The following CLDN14 variants were observed in gnomAD, a reference collection of about 807,000 sequenced individuals.
CLDN14 encodes claudin-14.
A neutral mutation model predicts 2.1 loss-of-function variants in CLDN14; 2 were observed. The observed-to-expected ratio is 0.96, with a 90% CI of 0.39 to 3.01. CLDN14 has a LOEUF of 3.01. Among genes scored for constraint, CLDN14 ranks in the 30% most tolerant of loss-of-function variants. The pLI is 0.09. For synonymous variants in CLDN14, 136 were observed against 154.4 expected, an observed-to-expected ratio of 0.88 and a Z score of 0.88; for missense variants, 298 against 328.0, an observed-to-expected ratio of 0.91 and a Z score of 0.71.
At chr21:36,490,525 A>G (rs1449534062) in intron 2 of CLDN14, among the ~76,000 whole-genome samples, 2 of 151,392 alleles carry the variant, frequency 1.3e-5, no homozygotes, top group Admixed American at 6.6e-5. Flanking sequence ...AGTAGCTGAG[A>G]TGACAGGTGT....
Position 36,499,504 on chromosome 21 carries a change from T to C in CLDN14, c.-82+10859A>G, listed in dbSNP as rs1460352862. Among the ~76,000 whole-genome samples, 2 of 152,022 alleles carry C rather than the reference T, an allele frequency of 1.3e-5. No homozygotes were observed. Among genetic ancestry groups the C allele is most frequent in the East Asian group, 3.9e-4 (2 of 5,194 alleles). On this transcript the variant is annotated intron_variant, in intron 2 of 2. Coordinates refer to the CLDN14 transcript ENST00000342108. This position sits in a 1 kb window ranked among gnomAD's most constrained non-coding sequence, Gnocchi z 4.7. ...GAAAGTGATCAAGATTAGAATAGAG[T>C]GGCTTATCTGTGTTTAGAGTCTCTA...
chr21:36,502,331 T>C lies in CLDN14; in HGVS notation c.-82+8032A>G, dbSNP rs189003531. ...TGGCTCCCATGAAATACTATTCTTA[T>C]GCCTGTTGAGGTCTGATGTGGTATC... is the stretch of plus-strand genomic sequence containing the variant. On this transcript the variant is annotated intron_variant, in intron 2 of 2. Transcript: ENST00000342108. 2.3e-3 allele frequency among the ~76,000 whole-genome samples: 353 copies of C among 152,334 alleles called. 1 individual carries two copies. The highest frequency in any genetic ancestry group is 2.9e-3 in the Non-Finnish European group (197 of 68,028).
chr21:36,561,394 T>C (rs2087634425), intron 1 of CLDN14, among the ~76,000 whole-genome samples: 1 of 152,214 alleles, frequency 6.6e-6, no homozygotes, highest in South Asian at 2.1e-4. Context: ...GCTACCTCTC[T>C]TGACTTGGGG....
At chr21:36,561,501 TG>T (rs1234702700) in intron 1 of CLDN14, among the ~76,000 whole-genome samples, 2 of 151,972 alleles carry the variant, frequency 1.3e-5, no homozygotes, top group Non-Finnish European at 2.9e-5. Flanking sequence ...GTGGGCCACT[TG>T]GCTGCCCCGC....
At chr21:36,521,184 T>G (rs1240374268) in intron 1 of CLDN14, among the ~76,000 whole-genome samples, 1 of 152,190 alleles carries the variant, frequency 6.6e-6, no homozygotes, top group Non-Finnish European at 1.5e-5. Flanking sequence ...TCCGTAAAGA[T>G]CAGCCTCTTC....
Position 36,527,089 on chromosome 21 carries a change from T to C in CLDN14, c.-219-16589A>G, listed in dbSNP as rs557011075. On this transcript the variant is annotated intron_variant, in intron 1 of 2. Coordinates refer to the CLDN14 transcript ENST00000342108. ...ACCTTAAAAGGGCAAACTTGAAGAT[T>C]CACAATAAATAGGTAACACGTGAGG... is the stretch of plus-strand genomic sequence containing the variant. 1.5e-4 allele frequency among the ~76,000 whole-genome samples: 23 copies of C among 152,320 alleles called. No homozygotes were observed. The East Asian group carries it at 4.2e-3, about 28-fold the overall frequency.
upstream of CLDN14, among the ~76,000 whole-genome samples, chr21:36,483,646 C>T (rs1023025356): frequency 3.3e-5 from 5 of 152,178 alleles, no homozygotes; most frequent in African/African-American, 4.8e-5. Context: ...GTTAAAAGAA[C>T]GGTGAGCCCA....
intron 1 of CLDN14, among the ~76,000 whole-genome samples, chr21:36,562,210 G>C (rs2087641007): frequency 6.6e-6 from 1 of 152,148 alleles, no homozygotes; most frequent in African/African-American, 2.4e-5. Flanking sequence ...CTGAAGAAGA[G>C]GACTAGGATG....
rs1283285611 is a variant in CLDN14 at position 36,465,771 on chromosome 21, G to A, written c.-81-3995C>T. 3.2e-4 allele frequency among the ~76,000 whole-genome samples: 48 copies of A among 152,366 alleles called. 1 individual carries two copies. The highest frequency in any genetic ancestry group is 1.5e-5 in the Non-Finnish European group (1 of 68,038). On this transcript the variant is annotated intron_variant, in intron 1 of 1. Coordinates refer to ENST00000399135, the MANE Select transcript of CLDN14 (RefSeq NM_001146079.2). ...TTTTCCTGCAGCCACGTGTGTGCAT[G>A]TGGGAAGATTTGCTAGAGAGATACG...
chr21:36,501,115 T>C (rs912382453), intron 2 of CLDN14, among the ~76,000 whole-genome samples: 1 of 152,178 alleles, frequency 6.6e-6, no homozygotes, highest in Non-Finnish European at 1.5e-5. Flanking sequence ...AACCCTTCAA[T>C]GTCACCCTCA....
upstream of CLDN14, among the ~76,000 whole-genome samples, chr21:36,483,124 G>A (rs1380525358): frequency 2.6e-5 from 4 of 152,176 alleles, no homozygotes; most frequent in Non-Finnish European, 5.9e-5. Flanking sequence ...CTACCACTAC[G>A]CTGCCTCATG....
rs1447352624 is a variant in CLDN14 at position 36,498,638 on chromosome 21, C to T, written c.-82+11725G>A. 6.6e-6 allele frequency among the ~76,000 whole-genome samples: 1 copy of T among 152,202 alleles called. No individual in the cohort carries two copies. The highest frequency in any genetic ancestry group is 1.5e-5 in the Non-Finnish European group (1 of 68,038). Reference sequence around the variant, plus strand: ...GGAACTGGTAGGACCGATGGCTAAGCTCTCTTCCCCTCCACCCTGGAAAAA... The same window carrying T: ...GGAACTGGTAGGACCGATGGCTAAGTTCTCTTCCCCTCCACCCTGGAAAAA... On this transcript the variant is annotated intron_variant, in intron 2 of 2. Coordinates refer to the CLDN14 transcript ENST00000342108. This position sits in a 1 kb window ranked among gnomAD's most constrained non-coding sequence, Gnocchi z 4.9.
chr21:36,537,274 T>C (rs1165081453), intron 1 of CLDN14, among the ~76,000 whole-genome samples: 1 of 152,094 alleles, frequency 6.6e-6, no homozygotes, highest in Admixed American at 6.5e-5. Flanking sequence ...GCTGTGGGGT[T>C]GTCTATAAGA....
intron 1 of CLDN14, among the ~76,000 whole-genome samples, chr21:36,559,385 C>T (rs749921463): frequency 7.2e-5 from 11 of 152,126 alleles, no homozygotes; most frequent in African/African-American, 1.2e-4. Flanking sequence ...TTAGTAGAGA[C>T]GGGGTTTCGC....
At chr21:36,490,599 G>A (rs2086951734) in intron 2 of CLDN14, among the ~76,000 whole-genome samples, 1 of 151,086 alleles carries the variant, frequency 6.6e-6, no homozygotes, top group Non-Finnish European at 1.5e-5. Context: ...ATGTTGGCCA[G>A]GCTGCTTTCA....
chr21:36,570,172 AT>A (rs1015877560), intron 1 of CLDN14, among the ~76,000 whole-genome samples: 1 of 152,224 alleles, frequency 6.6e-6, no homozygotes, highest in Non-Finnish European at 1.5e-5. Context: ...AAGAGTTATT[AT>A]TTAAAAACCT....
At chr21:36,492,173 G>A (rs184320) in intron 2 of CLDN14, among the ~76,000 whole-genome samples, 89,112 of 143,166 alleles carry the variant, frequency 0.62, 32,962 homozygotes, top group Non-Finnish European at 0.79. Context: ...GGTGGCTCAC[G>A]CCTGTAATCC....
intron 1 of CLDN14, among the ~76,000 whole-genome samples, chr21:36,558,813 C>T (rs1055720328): frequency 6.6e-6 from 1 of 151,400 alleles, no homozygotes; most frequent in Non-Finnish European, 1.5e-5. Flanking sequence ...ATCATGTCAT[C>T]TGCAAACAGA....
intron 1 of CLDN14, among the ~76,000 whole-genome samples, chr21:36,471,045 G>C (rs2086704747): frequency 1.3e-5 from 2 of 152,224 alleles, no homozygotes; most frequent in African/African-American, 4.8e-5. Context: ...GACAGGCATT[G>C]AGTGTGATCT....
Sources: allele counts gnomAD v4.1 joint callset (sites outside exome capture counted in the v4.1 genomes callset), GRCh38; gene constraint gnomAD v4.1.1; non-coding constraint Gnocchi (gnomAD v3.1); transcripts MANE v1.5; gene names NCBI Gene and HGNC (gene_info 2026-07-23, HGNC 2026-07-21).